Variants in FBN2 observed in about 807,000 individuals in gnomAD.
FBN2 encodes the protein fibrillin-2.
FBN2 carries 105 observed loss-of-function variants against 355.6 expected under a neutral mutation model. The observed-to-expected ratio is 0.30, with a 90% CI of 0.25 to 0.35. FBN2 has a LOEUF of 0.35. Ranked by LOEUF, FBN2 falls within the 10% of genes least tolerant of loss-of-function variation. The pLI, the probability that FBN2 is intolerant of heterozygous loss-of-function variation, is 1.00. For synonymous variants in FBN2, 1,350 were observed against 1,301.2 expected, an observed-to-expected ratio of 1.04 and a Z score of -0.81; for missense variants, 3,280 against 3,758.7, an observed-to-expected ratio of 0.87 and a Z score of 3.33.
chr5:128,353,021 A>G (rs904779814), intron 20 of FBN2, among the ~76,000 whole-genome samples: 4 of 152,032 alleles, frequency 2.6e-5, no homozygotes, highest in African/African-American at 9.7e-5. Context: ...AAAAACACAA[A>G]AATTAGCTGG....
chr5:128,432,602 C>G (rs1753654105), intron 7 of FBN2, among the ~76,000 whole-genome samples: 1 of 152,158 alleles, frequency 6.6e-6, no homozygotes, highest in African/African-American at 2.4e-5. Flanking sequence ...AAGCCCTGAT[C>G]TAGAAGAACT....
chr5:128,265,730 G>T (rs77239144), intron 62 of FBN2, among the ~76,000 whole-genome samples: 1 of 152,208 alleles, frequency 6.6e-6, no homozygotes, highest in Non-Finnish European at 1.5e-5. Context: ...CTACCAGAAC[G>T]TTGTAAATTC....
intron 64 of FBN2, among the ~76,000 whole-genome samples, chr5:128,260,657 T>C (rs1337090320): frequency 6.6e-6 from 1 of 152,228 alleles, no homozygotes; most frequent in African/African-American, 2.4e-5. Context: ...ATATCTCAAC[T>C]GTCAAACATC....
At chr5:128,310,402 A>ATATTT (rs1475271868) in intron 39 of FBN2, among the ~76,000 whole-genome samples, 1 of 23,308 alleles carries the variant, frequency 4.3e-5, no homozygotes, top group Non-Finnish European at 7.7e-5. Flanking sequence ...ATATATATAT[A>ATATTT]TTTTTTTTTT....
chr5:128,307,214 T>G lies in FBN2; in HGVS notation c.5354-11A>C, dbSNP rs751110350. On this transcript the variant is annotated splice_polypyrimidine_tract_variant and intron_variant, in intron 41 of 64. Coordinates refer to ENST00000262464, the MANE Select transcript of FBN2 (RefSeq NM_001999.4). ...TGGTTTTAAAGTCAGCTTTAAAATA[T>G]AAACAAAGCAATGCACTCTTAAATT... is the stretch of plus-strand genomic sequence containing the variant. 5.2e-6 allele frequency: 8 copies of G among 1,551,630 alleles called. No individual in the cohort carries two copies. In the South Asian group the frequency reaches 7.8e-5, roughly 15 times the overall value.
intron 5 of FBN2, among the ~76,000 whole-genome samples, chr5:128,489,732 A>G (rs1184346372): frequency 2.6e-5 from 4 of 152,206 alleles, no homozygotes; most frequent in African/African-American, 7.2e-5. Flanking sequence ...ATTATACTCA[A>G]TTGACCCCTA....
chr5:128,315,788 G>C (rs989704408), intron 36 of FBN2, among the ~76,000 whole-genome samples: 8 of 152,136 alleles, frequency 5.3e-5, no homozygotes, highest in African/African-American at 9.7e-5. Context: ...AATATTGCGG[G>C]TTGAAGTTCT....
At chr5:128,270,927 A>T (rs752402658) in intron 62 of FBN2, among the ~76,000 whole-genome samples, 21 of 152,164 alleles carry the variant, frequency 1.4e-4, no homozygotes, top group Non-Finnish European at 2.8e-4. Context: ...AATTTAAATA[A>T]TTTTTTGAAA....
At chr5:128,435,500 C>A (rs188827611) in intron 7 of FBN2, among the ~76,000 whole-genome samples, 59 of 152,214 alleles carry the variant, frequency 3.9e-4, no homozygotes, top group Admixed American at 2.9e-3. Context: ...GTGTCAAATG[C>A]TTTATATGTT....
At chr5:128,434,398 A>ATATATATATG (rs1490607390) in intron 7 of FBN2, among the ~76,000 whole-genome samples, 3,827 of 71,504 alleles carry the variant, frequency 0.054, 370 homozygotes, top group Non-Finnish European at 0.075. Flanking sequence ...AAGTGTGTAT[A>ATATATATATG]TATATATATA....
intron 62 of FBN2, among the ~76,000 whole-genome samples, chr5:128,269,326 G>A (rs942596941): frequency 6.7e-6 from 1 of 149,034 alleles, no homozygotes; most frequent in Non-Finnish European, 1.5e-5. Context: ...TAATTAACCA[G>A]GCATGGTGGC....
chr5:128,434,390 G>GTGTGTATATATATATA (rs1442923944), intron 7 of FBN2, among the ~76,000 whole-genome samples: 8 of 49,166 alleles, frequency 1.6e-4, no homozygotes, highest in East Asian at 1.1e-3. Context: ...AGTGAATAAA[G>GTGTGTATATATATATA]TGTGTATATA....
intron 5 of FBN2, among the ~76,000 whole-genome samples, chr5:128,503,250 G>A (rs906104453): frequency 2.6e-5 from 4 of 152,186 alleles, no homozygotes; most frequent in Non-Finnish European, 5.9e-5. Context: ...GTGGAAATGT[G>A]AGTCAACTAA....
intron 25 of FBN2, 79 bp downstream of exon 25, chr5:128,344,306 C>CT: frequency 6.9e-7 from 1 of 1,447,510 alleles, no homozygotes; most frequent in Non-Finnish European, 9.7e-7. Flanking sequence ...AGAGGATTAG[C>CT]TTTTTAGGGC....
chr5:128,464,999 A>G, intron 5 of FBN2, 78 bp from the exon 6 acceptor site: 1 of 1,323,252 alleles, frequency 7.6e-7, no homozygotes, highest in Non-Finnish European at 1.1e-6. Flanking sequence ...AAATGCATAA[A>G]ACAGAGACTA....
intron 11 of FBN2, among the ~76,000 whole-genome samples, chr5:128,389,678 A>G (rs1581257893): frequency 1.3e-5 from 2 of 152,192 alleles, no homozygotes; most frequent in East Asian, 3.9e-4. Flanking sequence ...CCCCTATCCA[A>G]GCAGCTCTCC....
chr5:128,344,722 C>T (rs1751123454), intron 24 of FBN2, among the ~76,000 whole-genome samples: 1 of 142,994 alleles, frequency 7.0e-6, no homozygotes, highest in East Asian at 2.0e-4. Flanking sequence ...TTTTTTGAGA[C>T]AGAGTTTCAC....
chr5:128,320,086 G>A (rs1750327814), intron 34 of FBN2, among the ~76,000 whole-genome samples: 17 of 152,172 alleles, frequency 1.1e-4, no homozygotes. Flanking sequence ...GTGCAAAGGT[G>A]TCTTTTATTG....
intron 7 of FBN2, among the ~76,000 whole-genome samples, chr5:128,430,468 T>C (rs1185730399): frequency 1.3e-5 from 2 of 152,226 alleles, no homozygotes; most frequent in Non-Finnish European, 2.9e-5. Context: ...TTGTTCACAT[T>C]CGTGTCTAAA....
Sources: allele counts gnomAD v4.1 joint callset (sites outside exome capture counted in the v4.1 genomes callset), GRCh38; gene constraint gnomAD v4.1.1; transcripts MANE v1.5; gene names NCBI Gene and HGNC (gene_info 2026-07-23, HGNC 2026-07-21).